The following ILDR2 variants were observed in gnomAD, a reference collection of about 807,000 sequenced individuals.
The protein encoded by ILDR2 is immunoglobulin-like domain-containing receptor 2.
In ILDR2, 25 loss-of-function variants were observed where a neutral mutation model predicts 66.8. The observed-to-expected ratio is 0.37, with a 90% CI of 0.27 to 0.52. ILDR2 has a LOEUF of 0.52. Among genes scored for constraint, ILDR2 ranks in the 20% least tolerant of loss-of-function variants. The pLI is 0.88. For synonymous variants in ILDR2, 367 were observed against 357.2 expected (o/e 1.03, Z -0.31); for missense variants, 827 against 876.8 (o/e 0.94, Z 0.72).
rs547591909 is a variant in ILDR2, at chr1:166,969,333, GTTC to G, written c.46+5887_46+5889del. ...TGAAGGAGAATAGAGGAAGCGGCATGTTCTTCTGAGTTCTTCCTTGTTCCTTGG... is the reference window on the plus strand; with the variant it reads ...TGAAGGAGAATAGAGGAAGCGGCATGTTCTGAGTTCTTCCTTGTTCCTTGG... On this transcript the variant is annotated intron_variant, in intron 1 of 9. Coordinates refer to ENST00000271417, the MANE Select transcript of ILDR2 (RefSeq NM_199351.3). Among the ~76,000 whole-genome samples the G allele has an allele frequency of 5.6e-4, 85 of 152,242 alleles. 1 individual carries two copies. The highest frequency in any genetic ancestry group is 1.2e-3 in the South Asian group (6 of 4,832).
In ILDR2 at chr1:166,917,878, T is replaced by C. The variant is rs374099921; in HGVS notation, c.*1477A>G. 1 of 152,156 alleles carries C rather than the reference T, an allele frequency of 6.6e-6. No individual in the cohort carries two copies. The highest frequency in any genetic ancestry group is 6.5e-5 in the Admixed American group (1 of 15,276). 9.4% of individuals were successfully genotyped at this position (152,156 alleles called of 1,614,324 possible). A position where few individuals can be genotyped will look rare whatever the true frequency, so the allele number is the denominator to read the frequency against. On this transcript the variant is annotated 3_prime_UTR_variant, in exon 10 of 10. Coordinates refer to ENST00000271417, the MANE Select transcript of ILDR2 (RefSeq NM_199351.3). ...CCTTTTCTTTTGTCATGCAGCAGGATAGTCCAGGCTTGTTCACCTGATGGT... is the reference window on the plus strand; with the variant it reads ...CCTTTTCTTTTGTCATGCAGCAGGACAGTCCAGGCTTGTTCACCTGATGGT...
At chr1:166,964,075 G>A (rs996491057) in intron 1 of ILDR2, among the ~76,000 whole-genome samples, 3 of 151,362 alleles carry the variant, frequency 2.0e-5, no homozygotes, top group Admixed American at 1.3e-4. Flanking sequence ...AAGAAGTGAA[G>A]CAAGGTAAAG....
At chr1:166,967,357 T>C (rs1449754815) in intron 1 of ILDR2, among the ~76,000 whole-genome samples, 1 of 152,214 alleles carries the variant, frequency 6.6e-6, no homozygotes, top group African/African-American at 2.4e-5. Flanking sequence ...TTAGGATTTC[T>C]TAGTTATAGC....
intron 2 of ILDR2, among the ~76,000 whole-genome samples, chr1:166,901,886 T>C (rs778331752): frequency 1.3e-5 from 2 of 152,218 alleles, no homozygotes; most frequent in Non-Finnish European, 2.9e-5. Context: ...ACCTTCCTCC[T>C]TGGTGCCAGA....
At chr1:166,944,752 T>A (rs1661515530) in intron 3 of ILDR2, among the ~76,000 whole-genome samples, 2 of 152,224 alleles carry the variant, frequency 1.3e-5, no homozygotes, top group African/African-American at 2.4e-5. Context: ...CTGAGATATG[T>A]TCTGACACAG....
intron 1 of ILDR2, among the ~76,000 whole-genome samples, chr1:166,965,476 T>C (rs1266286108): frequency 6.6e-6 from 1 of 152,116 alleles, no homozygotes; most frequent in Non-Finnish European, 1.5e-5. Flanking sequence ...ACCCGTAAAG[T>C]TTCATATTTT....
Position 166,921,494 on chromosome 1 carries a change from C to T in ILDR2, c.1212-115G>A. 1 of 844,298 alleles carries T rather than the reference C, an allele frequency of 1.2e-6. No individual in the cohort carries two copies. The highest frequency in any genetic ancestry group is 1.8e-6 in the Non-Finnish European group (1 of 562,104). 52.3% of individuals were successfully genotyped at this position (844,298 alleles called of 1,614,324 possible). A position where few individuals can be genotyped will look rare whatever the true frequency, so the allele number is the denominator to read the frequency against. ...CACGCTCAGGAGACCTCGGCCTGAGCCTCAGCTCCGCTCCAGGCTGGATGA... is the reference window on the plus strand; with the variant it reads ...CACGCTCAGGAGACCTCGGCCTGAGTCTCAGCTCCGCTCCAGGCTGGATGA... On this transcript the variant is annotated intron_variant, in intron 8 of 9. Transcript: ENST00000271417. This position sits in a 1 kb window ranked among gnomAD's most constrained non-coding sequence, Gnocchi z 5.3.
In ILDR2 at chr1:166,917,340, T is replaced by C. The variant is rs371340331; in HGVS notation, c.*2015A>G. The C allele has an allele frequency of 1.3e-5, 2 of 152,234 alleles. No individual in the cohort carries two copies. The highest frequency in any genetic ancestry group is 2.1e-4 in the South Asian group (1 of 4,832). 9.4% of individuals were successfully genotyped at this position (152,234 alleles called of 1,614,324 possible). On this transcript the variant is annotated 3_prime_UTR_variant, in exon 10 of 10. Coordinates refer to ENST00000271417, the MANE Select transcript of ILDR2 (RefSeq NM_199351.3). ...CCACTTTCTTATTTCATTGCAAACA[T>C]AGGACTTTTTTTGGAAATGTCATGA...
At position 166,919,340 on chromosome 1, in the gene ILDR2, G is replaced by A. The variant is rs1481280855; in HGVS notation, c.*15C>T. 1.9e-6 allele frequency: 3 copies of A among 1,611,058 alleles called. No individual in the cohort carries two copies. The highest frequency in any genetic ancestry group is 2.7e-5 in the African/African-American group (2 of 74,856). On this transcript the variant is annotated 3_prime_UTR_variant, in exon 10 of 10. Transcript: ENST00000271417. ...CATGTCTGATTTCTCATTATCCAGA[G>A]AAATGTTGACAACATCAGACCACAA...
At chr1:166,903,737 T>C (rs1415314420), downstream of ILDR2, among the ~76,000 whole-genome samples, 1 of 152,190 alleles carries the variant, frequency 6.6e-6, no homozygotes, top group African/African-American at 2.4e-5. Flanking sequence ...TGTTCACTAA[T>C]TTTGAACCAT....
chr1:166,940,206 CA>C (rs982427821), intron 3 of ILDR2, among the ~76,000 whole-genome samples: 23 of 152,272 alleles, frequency 1.5e-4, no homozygotes, highest in African/African-American at 5.3e-4. Context: ...TATATGGACC[CA>C]AGTGCCTTCT....
intron 3 of ILDR2, among the ~76,000 whole-genome samples, chr1:166,941,320 T>C (rs1421305527): frequency 1.3e-5 from 2 of 152,108 alleles, no homozygotes. Flanking sequence ...AAGTGGGACA[T>C]TGGAAAAAGG....
rs555184636 is a variant in ILDR2, at chr1:166,920,535, G to A, written c.1884+172C>T. ...CCTTGGACAGAGTGAGGCTGAAAAAGCCCCCGGCCTAGCATCCGCGGACGA... is the reference window on the plus strand; with the variant it reads ...CCTTGGACAGAGTGAGGCTGAAAAAACCCCCGGCCTAGCATCCGCGGACGA... On this transcript the variant is annotated intron_variant, in intron 9 of 9. Coordinates refer to ENST00000271417, the MANE Select transcript of ILDR2 (RefSeq NM_199351.3). 1.0e-3 allele frequency: 331 copies of A among 328,994 alleles called. 1 individual carries two copies. The highest frequency in any genetic ancestry group is 2.9e-3 in the Admixed American group (45 of 15,490). 20.4% of individuals were successfully genotyped at this position (328,994 alleles called of 1,614,324 possible).
At chr1:166,947,514 G>A (rs1023136284) in intron 3 of ILDR2, among the ~76,000 whole-genome samples, 1 of 152,230 alleles carries the variant, frequency 6.6e-6, no homozygotes, top group Non-Finnish European at 1.5e-5. Flanking sequence ...CCGTGTGAAC[G>A]CAAGCCTGCA....
At chr1:166,965,433 T>C (rs55778013) in intron 1 of ILDR2, among the ~76,000 whole-genome samples, 11,318 of 152,150 alleles carry the variant, frequency 0.074, 920 homozygotes, top group African/African-American at 0.21. Flanking sequence ...ATATATCAGG[T>C]ACAGAATTTT....
chr1:166,971,303 T>TA (rs1253523761), intron 1 of ILDR2, among the ~76,000 whole-genome samples: 1 of 152,206 alleles, frequency 6.6e-6, no homozygotes, highest in African/African-American at 2.4e-5. Flanking sequence ...CATGAACAAA[T>TA]ATCTTAACTC....
chr1:166,962,037 G>A (rs1662649366), intron 1 of ILDR2, among the ~76,000 whole-genome samples: 1 of 152,206 alleles, frequency 6.6e-6, no homozygotes, highest in African/African-American at 2.4e-5. Flanking sequence ...AGAATTCCAA[G>A]TAAATGTGAG....
At chr1:166,967,292 G>A (rs1428427084) in intron 1 of ILDR2, among the ~76,000 whole-genome samples, 1 of 152,184 alleles carries the variant, frequency 6.6e-6, no homozygotes, top group Non-Finnish European at 1.5e-5. Flanking sequence ...TATCCCCACA[G>A]ATTTGGACTC....
At chr1:166,930,438 G>C (rs183078385) in intron 6 of ILDR2, among the ~76,000 whole-genome samples, 26 of 152,312 alleles carry the variant, frequency 1.7e-4, no homozygotes. Flanking sequence ...CAGAGGCAAA[G>C]TATTGATCTT....
Sources: gnomAD v4.1 joint callset for allele counts (sites outside exome capture counted in the v4.1 genomes callset) on GRCh38, gnomAD v4.1.1 for gene constraint, Gnocchi (gnomAD v3.1) non-coding constraint, MANE v1.5 for transcripts, NCBI Gene and HGNC (gene_info 2026-07-23, HGNC 2026-07-21) for gene names.